Variants in SPTBN1 observed in about 807,000 individuals in gnomAD.
SPTBN1 encodes the protein spectrin beta chain, non-erythrocytic 1.
SPTBN1 carries 32 observed loss-of-function variants against 266.4 expected under a neutral mutation model. The observed-to-expected ratio is 0.12, with a 90% confidence interval of 0.09 to 0.16. The LOEUF (loss-of-function observed/expected upper bound fraction) is 0.16. SPTBN1 is among the 10% of genes least tolerant of loss of function. The pLI, the probability that SPTBN1 is intolerant of heterozygous loss-of-function variation, is 1.00. For missense variants in SPTBN1, 2,296 were observed against 3,067.1 expected, an observed-to-expected ratio of 0.75 and a Z score of 5.94; for synonymous variants, 1,336 against 1,162.2, an observed-to-expected ratio of 1.15 and a Z score of -3.04.
intron 32 of SPTBN1, chr2:54,663,391 C>G (rs1188773929): frequency 6.6e-6 from 1 of 152,206 alleles, no homozygotes; most frequent in Non-Finnish European, 1.5e-5. Context: ...TAGTAACTCG[C>G]TAATCGCACA....
At chr2:54,459,018 G>T (rs143018429) in intron 1 of SPTBN1, among the ~76,000 whole-genome samples, 1 of 152,136 alleles carries the variant, frequency 6.6e-6, no homozygotes, top group Admixed American at 6.5e-5. Context: ...GTGTAAAATC[G>T]TGTTGCGTAC....
chr2:54,586,611 G>C (rs1488039010), intron 2 of SPTBN1, among the ~76,000 whole-genome samples: 3 of 152,154 alleles, frequency 2.0e-5, no homozygotes, highest in African/African-American at 4.8e-5. Context: ...ATTAGTCAGT[G>C]CTATACTGTG....
chr2:54,585,949 A>G (rs1675261721), intron 2 of SPTBN1, among the ~76,000 whole-genome samples: 1 of 152,244 alleles, frequency 6.6e-6, no homozygotes, highest in Non-Finnish European at 1.5e-5. Context: ...TCCTGAATGA[A>G]GAATACTCTG....
intron 2 of SPTBN1, chr2:54,529,297 A>C: frequency 2.1e-6 from 1 of 486,214 alleles, no homozygotes; most frequent in South Asian, 1.8e-5. Context: ...ATAAAGTTTC[A>C]AACCCAGTAG....
chr2:54,459,289 C>A (rs1455283275), intron 1 of SPTBN1, among the ~76,000 whole-genome samples: 1 of 152,216 alleles, frequency 6.6e-6, no homozygotes, highest in Non-Finnish European at 1.5e-5. Flanking sequence ...CTGTGAAGAA[C>A]TTCTCTTGGG....
intron 1 of SPTBN1, among the ~76,000 whole-genome samples, chr2:54,487,170 CTTT>C (rs34779689): frequency 4.1e-5 from 4 of 98,568 alleles, no homozygotes; most frequent in African/African-American, 8.6e-5. Context: ...ATTAGGATTT[CTTT>C]TTTTTTTTTT....
rs896251306 is a variant in SPTBN1 at position 54,669,456 on chromosome 2, T to G, written c.*887T>G. The G allele has an allele frequency of 6.6e-6, 1 of 152,662 alleles. No individual in the cohort carries two copies. The highest frequency in any genetic ancestry group is 1.5e-5 in the Non-Finnish European group (1 of 68,044). The allele number at this position is 152,662 out of a possible 1,614,324, so 9.5% of individuals were successfully genotyped here. A position where few individuals can be genotyped will look rare whatever the true frequency, so the allele number is the denominator to read the frequency against. The stretch of plus-strand genomic sequence containing the variant: ...TAATTTGCTTCATTTCCTTGCTATT[T>G]GATACATAGTGTGCATTTCTCTGTC... On this transcript the variant is annotated 3_prime_UTR_variant, in exon 36 of 36. Transcript: ENST00000356805.
chr2:54,644,667 A>G lies in SPTBN1; in HGVS notation c.4269+81A>G, dbSNP rs932306504. The G allele has an allele frequency of 1.2e-5, 18 of 1,505,542 alleles. No homozygotes were observed. The Admixed American group carries it at 2.9e-4, about 24-fold the overall frequency. 93.3% of individuals were successfully genotyped at this position (1,505,542 alleles called of 1,614,324 possible). A position where few individuals can be genotyped will look rare whatever the true frequency, so the allele number is the denominator to read the frequency against. Reference sequence around the variant, plus strand: ...CTTAGAGTCTTTTCTCACCCACTGCATTATCAGGAGTCCACCTTCCATGGG... The same window carrying G: ...CTTAGAGTCTTTTCTCACCCACTGCGTTATCAGGAGTCCACCTTCCATGGG... On this transcript the variant is annotated intron_variant, in intron 20 of 35. Coordinates refer to ENST00000356805, the MANE Select transcript of SPTBN1 (RefSeq NM_003128.3).
At position 54,658,029 on chromosome 2, in the gene SPTBN1, C is replaced by T; in HGVS notation, c.6226C>T (p.Leu2076=). 1 of 1,614,254 alleles carries T rather than the reference C, an allele frequency of 6.2e-7. No homozygotes were observed. The highest frequency in any genetic ancestry group is 8.5e-7 in the Non-Finnish European group (1 of 1,180,050). ...AACCTGGGATGAGAGGTTCTCTGCC[C>T]TGGAAAGGCTGACTACAGTAAGTGG... ...AATWDERFSA[L]ERLTTLELLE... is the part of the protein sequence containing the mutation. The change falls in exon 30 of 36, where the codon CTG becomes TTG. Residue 2076 remains leucine, a synonymous_variant. Coordinates refer to ENST00000356805, the MANE Select transcript of SPTBN1 (RefSeq NM_003128.3).
At chr2:54,522,630 C>CA (rs72506677) in intron 1 of SPTBN1, among the ~76,000 whole-genome samples, 1 of 113,738 alleles carries the variant, frequency 8.8e-6, no homozygotes, top group Admixed American at 9.0e-5. Context: ...GACTCTGTCT[C>CA]AAAAAGAAAG....
chr2:54,510,694 TTATGGA>T (rs751281441), intron 1 of SPTBN1, among the ~76,000 whole-genome samples: 1 of 152,196 alleles, frequency 6.6e-6, no homozygotes, highest in Non-Finnish European at 1.5e-5. Context: ...GGAGATGAAG[TTATGGA>T]CTTGATTTTG....
rs528452389 is a variant in SPTBN1, at chr2:54,624,664, C to T, written c.1183-140C>T. The T allele has an allele frequency of 4.3e-5, 54 of 1,261,938 alleles. 1 individual carries two copies. In the South Asian group the frequency reaches 7.9e-4, roughly 18 times the overall value. 78.2% of individuals were successfully genotyped at this position (1,261,938 alleles called of 1,614,324 possible). A position where few individuals can be genotyped will look rare whatever the true frequency, so the allele number is the denominator to read the frequency against. On this transcript the variant is annotated intron_variant, in intron 10 of 35. Transcript: ENST00000356805. ...GTTTTTTTCCTCAAGGCTTGAGAGTCAGTGAGAGTGGGAATGGGATTTCCC... is the reference window on the plus strand; with the variant it reads ...GTTTTTTTCCTCAAGGCTTGAGAGTTAGTGAGAGTGGGAATGGGATTTCCC...
At chr2:54,502,800 T>C (rs1669340772) in intron 1 of SPTBN1, among the ~76,000 whole-genome samples, 1 of 152,166 alleles carries the variant, frequency 6.6e-6, no homozygotes, top group South Asian at 2.1e-4. Context: ...CTGGAGCTTC[T>C]AGATGGAGGT....
chr2:54,558,621 C>T lies in SPTBN1; in HGVS notation c.148+32055C>T. On this transcript the variant is annotated intron_variant, in intron 2 of 35. Coordinates refer to ENST00000356805, the MANE Select transcript of SPTBN1 (RefSeq NM_003128.3). This position sits in a 1 kb window ranked among gnomAD's most constrained non-coding sequence, Gnocchi z 4.6. ...GAGCTAAGGTGGACTCTCTTGCAGC[C>T]AACTTCCCATCAGATCACCCTGCTG... The T allele has an allele frequency of 1.4e-6, 2 of 1,447,068 alleles. No homozygotes were observed. Among genetic ancestry groups the T allele is most frequent in the South Asian group, 1.5e-5 (1 of 65,910 alleles). 89.6% of individuals were successfully genotyped at this position (1,447,068 alleles called of 1,614,324 possible).
intron 3 of SPTBN1, among the ~76,000 whole-genome samples, chr2:54,601,808 G>A (rs1676518906): frequency 6.6e-6 from 1 of 152,228 alleles, no homozygotes; most frequent in Admixed American, 6.5e-5. Flanking sequence ...GAGGAAATCT[G>A]TGAATGTGTG....
chr2:54,461,845 T>A (rs928008405), intron 1 of SPTBN1, among the ~76,000 whole-genome samples: 1 of 152,252 alleles, frequency 6.6e-6, no homozygotes, highest in Non-Finnish European at 1.5e-5. Flanking sequence ...CTTCTCAGCT[T>A]GTGTTTTTTT....
rs1680442087 is a variant in SPTBN1 at position 54,653,489 on chromosome 2, A to T, written c.5578-120A>T. ...TGAAATTGAGGGCTCCTTAAGGGGCATGGGCCATATTTTGACTCTGTGCTC... is the reference window on the plus strand; with the variant it reads ...TGAAATTGAGGGCTCCTTAAGGGGCTTGGGCCATATTTTGACTCTGTGCTC... On this transcript the variant is annotated intron_variant, in intron 26 of 35. Coordinates refer to ENST00000356805, the MANE Select transcript of SPTBN1 (RefSeq NM_003128.3). The surrounding 1 kb of genome is among the most constrained non-coding windows in gnomAD (Gnocchi z 5.1). 1.4e-6 allele frequency: 2 copies of T among 1,478,320 alleles called. No individual in the cohort carries two copies. Among genetic ancestry groups the T allele is most frequent in the African/African-American group, 2.8e-5 (2 of 70,898 alleles). The allele number at this position is 1,478,320 out of a possible 1,614,324, so 91.6% of individuals were successfully genotyped here.
At chr2:54,610,987 CAGT>C (rs1677170512) in intron 3 of SPTBN1, among the ~76,000 whole-genome samples, 2 of 152,316 alleles carry the variant, frequency 1.3e-5, no homozygotes, top group East Asian at 3.9e-4. Flanking sequence ...GAGCTCATCA[CAGT>C]AGGAGTTAGA....
chr2:54,457,610 T>A (rs1693126998), intron 1 of SPTBN1, among the ~76,000 whole-genome samples: 1 of 152,132 alleles, frequency 6.6e-6, no homozygotes, highest in Non-Finnish European at 1.5e-5. Flanking sequence ...GCCCTCGCCG[T>A]GATGCAGCAC....
Sources: gnomAD v4.1 joint callset for allele counts (sites outside exome capture counted in the v4.1 genomes callset) on GRCh38, gnomAD v4.1.1 for gene constraint, Gnocchi (gnomAD v3.1) non-coding constraint, MANE v1.5 for transcripts, NCBI Gene and HGNC (gene_info 2026-07-23, HGNC 2026-07-21) for gene names.